NAV1: variants seen among roughly 807,000 people sequenced by gnomAD.
NAV1 encodes pore membrane and/or filament interacting like protein 3.
A neutral mutation model predicts 175.2 loss-of-function variants in NAV1; 18 were observed. The observed-to-expected ratio is 0.10, with a 90% CI of 0.07 to 0.15. NAV1 has a LOEUF of 0.15. NAV1 is among the 10% of genes least tolerant of loss of function. The probability of loss-of-function intolerance (pLI) is 1.00; values close to 1 mark genes in which losing one functional copy is unlikely to be tolerated. For synonymous variants in NAV1, 897 were observed against 978.7 expected, an observed-to-expected ratio of 0.92 and a Z score of 1.56; for missense variants, 1,731 against 2,436.6, an observed-to-expected ratio of 0.71 and a Z score of 6.10.
At chr1:201,587,426 C>T (rs946386998) in intron 1 of NAV1, among the ~76,000 whole-genome samples, 1 of 152,114 alleles carries the variant, frequency 6.6e-6, no homozygotes, top group East Asian at 1.9e-4. Context: ...TGGCTCATGT[C>T]TGTAATTCCA....
rs555695001 is a variant in NAV1, at chr1:201,549,324, G to A, written c.-144+9982G>A. ...CCCAGGTTCAGATGATCCTCCCACC[G>A]CAGCCTCCCGAGTAGCTGGGATTAC... is the stretch of plus-strand genomic sequence containing the variant. On this transcript the variant is annotated intron_variant, in intron 1 of 33. Coordinates refer to the NAV1 transcript ENST00000685211. Among the ~76,000 whole-genome samples, 122 of 151,760 alleles carry A rather than the reference G, an allele frequency of 8.0e-4. 1 individual carries two copies. The highest frequency in any genetic ancestry group is 2.8e-3 in the African/African-American group (116 of 41,366).
intron 1 of NAV1, among the ~76,000 whole-genome samples, chr1:201,700,673 T>G (rs1314492356): frequency 2.0e-5 from 3 of 152,132 alleles, no homozygotes; most frequent in Admixed American, 2.0e-4. Flanking sequence ...TAGCAAAGAC[T>G]TGGAACCAAC....
Position 201,810,642 on chromosome 1 carries a change from G to A in NAV1, c.4681G>A (p.Gly1561Ser). The change falls in exon 24 of 30, where the codon GGC (glycine) becomes AGC (serine). Residue 1561 changes from glycine to serine, a missense_variant. Coordinates refer to ENST00000367296, the Ensembl canonical transcript of NAV1. The surrounding 1 kb of genome is among the most constrained non-coding windows in gnomAD (Gnocchi z 6.0). ...GCGCCTCGTCCTCTCGGGCCCCAGC[G>A]GCACGGGCAAGACCTACCTGACCAA... The A allele has an allele frequency of 6.2e-7, 1 of 1,614,056 alleles. No homozygotes were observed. Among genetic ancestry groups the A allele is most frequent in the Non-Finnish European group, 8.5e-7 (1 of 1,179,996 alleles).
In NAV1 at chr1:201,588,931, T is replaced by C. The variant is rs900687735; in HGVS notation, c.-33+282T>C. Among the ~76,000 whole-genome samples, 5 of 152,128 alleles carry C rather than the reference T, an allele frequency of 3.3e-5. 1 individual carries two copies. In the South Asian group the frequency reaches 1.0e-3, roughly 32 times the overall value. ...GGCATGATCTTGGTTCACTGCAACC[T>C]CTGCCTCCTGGGTTCAAGCAATTCT... On this transcript the variant is annotated intron_variant, in intron 2 of 33. Transcript: ENST00000685211.
intron 3 of NAV1, among the ~76,000 whole-genome samples, chr1:201,752,154 A>C (rs1261776409): frequency 6.6e-6 from 1 of 152,236 alleles, no homozygotes; most frequent in Non-Finnish European, 1.5e-5. Context: ...TCCATGAACT[A>C]AATGACTTAA....
chr1:201,545,777 G>A (rs952390595), intron 1 of NAV1, among the ~76,000 whole-genome samples: 16 of 152,228 alleles, frequency 1.1e-4, no homozygotes, highest in African/African-American at 3.6e-4. Context: ...GAAAACCAGA[G>A]AACTGGGCTG....
In NAV1 at chr1:201,598,522, T is replaced by A. The variant is rs139077260; in HGVS notation, c.-33+9873T>A. Among the ~76,000 whole-genome samples the A allele has an allele frequency of 3.3e-3, 504 of 152,214 alleles. 8 individuals are homozygous for A. Among genetic ancestry groups the A allele is most frequent in the South Asian group, 0.02 (98 of 4,826 alleles). Reference sequence around the variant, plus strand: ...ACAAAGTGTGTGTCCTGGTGAGGAATCGGAACTGCCTGAGTTAGGGTGGTA... The same window carrying A: ...ACAAAGTGTGTGTCCTGGTGAGGAAACGGAACTGCCTGAGTTAGGGTGGTA... On this transcript the variant is annotated intron_variant, in intron 2 of 33. Transcript: ENST00000685211.
At position 201,813,454 on chromosome 1, in the gene NAV1, T is replaced by C. The variant is rs981493084; in HGVS notation, c.5340+196T>C. Among the ~76,000 whole-genome samples, 1 of 152,236 alleles carries C rather than the reference T, an allele frequency of 6.6e-6. No individual in the cohort carries two copies. The highest frequency in any genetic ancestry group is 2.4e-5 in the African/African-American group (1 of 41,456). The stretch of plus-strand genomic sequence containing the variant: ...ATTCAGCAAATGGTACAATGACCAC[T>C]GCCTCTGGGGCCATCTCTCCAGTCC... On this transcript the variant is annotated intron_variant, in intron 28 of 29. Coordinates refer to ENST00000367296, the Ensembl canonical transcript of NAV1. The surrounding 1 kb of genome is among the most constrained non-coding windows in gnomAD (Gnocchi z 4.2).
chr1:201,587,902 G>A (rs1273010164), intron 1 of NAV1, among the ~76,000 whole-genome samples: 4 of 152,172 alleles, frequency 2.6e-5, no homozygotes, highest in Non-Finnish European at 5.9e-5. Flanking sequence ...AAATAAAAAA[G>A]ACAGGCAGTA....
rs1016639995 is a variant in NAV1 at position 201,787,252 on chromosome 1, T to C, written c.2995+675T>C. ...GGTTCTGTGAAGCAGTACGCCATGATTGGCCTACTAGGAATCCATTCAGGA... is the reference window on the plus strand; with the variant it reads ...GGTTCTGTGAAGCAGTACGCCATGACTGGCCTACTAGGAATCCATTCAGGA... On this transcript the variant is annotated intron_variant, in intron 9 of 29. Coordinates refer to ENST00000367296, the Ensembl canonical transcript of NAV1. The surrounding 1 kb of genome is among the most constrained non-coding windows in gnomAD (Gnocchi z 4.3). Among the ~76,000 whole-genome samples the C allele has an allele frequency of 6.6e-6, 1 of 152,250 alleles. No homozygotes were observed. The highest frequency in any genetic ancestry group is 2.4e-5 in the African/African-American group (1 of 41,464).
chr1:201,624,574 C>T (rs1158919458), intron 1 of NAV1, among the ~76,000 whole-genome samples: 1 of 151,868 alleles, frequency 6.6e-6, no homozygotes, highest in Non-Finnish European at 1.5e-5. Context: ...TCTCGATCTC[C>T]TGACCTCGTG....
intron 1 of NAV1, among the ~76,000 whole-genome samples, chr1:201,652,455 A>G (rs1480041723): frequency 6.6e-6 from 1 of 152,172 alleles, no homozygotes; most frequent in Non-Finnish European, 1.5e-5. Flanking sequence ...AAGACTGAGG[A>G]GTGAGTACCG....
intron 1 of NAV1, among the ~76,000 whole-genome samples, chr1:201,699,959 T>C (rs1671345763): frequency 6.6e-6 from 1 of 152,198 alleles, no homozygotes. Flanking sequence ...ATTAAAGACT[T>C]ACATGTTAGA....
At chr1:201,809,909 T>C (rs1327433601) in intron 22 of NAV1, 37 bp from the exon 27 acceptor site, 1 of 1,587,676 alleles carries the variant, frequency 6.3e-7, no homozygotes, top group Non-Finnish European at 8.6e-7. Context: ...CCTGTGTTTG[T>C]ATATTTTCTT....
intron 20 of NAV1, 127 bp from the exon 25 acceptor site, chr1:201,809,037 T>G (rs1678513666): frequency 7.8e-7 from 1 of 1,286,254 alleles, no homozygotes; most frequent in Non-Finnish European, 1.1e-6. Flanking sequence ...CTTAACTACT[T>G]TTGAGTTTGG....
chr1:201,602,797 C>G (rs1302603133), intron 2 of NAV1, among the ~76,000 whole-genome samples: 4 of 151,992 alleles, frequency 2.6e-5, no homozygotes, highest in African/African-American at 7.3e-5. Context: ...ACCAGCTACC[C>G]CTCAGCTCCT....
chr1:201,805,403 T>C (rs1380372963), intron 17 of NAV1, among the ~76,000 whole-genome samples: 4 of 151,960 alleles, frequency 2.6e-5, no homozygotes, highest in Non-Finnish European at 5.9e-5. Context: ...TGAGATGCAA[T>C]TGTGATGGGT....
intron 1 of NAV1, among the ~76,000 whole-genome samples, chr1:201,549,135 CTTTCTTT>C (rs1665766553): frequency 7.6e-6 from 1 of 131,168 alleles, no homozygotes; most frequent in Non-Finnish European, 1.7e-5. Flanking sequence ...TTCTTTCTTT[CTTTCTTT>C]CTTCTTTCTC....
chr1:201,706,478 A>T (rs1671674616), intron 1 of NAV1, among the ~76,000 whole-genome samples: 1 of 152,182 alleles, frequency 6.6e-6, no homozygotes, highest in Non-Finnish European at 1.5e-5. Flanking sequence ...CTGGGCCAAG[A>T]GTGATAGCTA....
Sources: gnomAD v4.1 joint callset for allele counts (sites outside exome capture counted in the v4.1 genomes callset) on GRCh38, gnomAD v4.1.1 for gene constraint, Gnocchi (gnomAD v3.1) non-coding constraint, MANE v1.5 for transcripts, NCBI Gene and HGNC (gene_info 2026-07-23, HGNC 2026-07-21) for gene names.